The following FAM117A variants were observed in gnomAD, a reference collection of about 807,000 sequenced individuals.
FAM117A encodes the protein protein FAM117A.
Under a neutral mutation model 44.1 loss-of-function variants are expected in FAM117A, and 21 were observed. The ratio of observed to expected loss-of-function variants is 0.48; its 90% CI spans 0.34 to 0.69. The LOEUF (loss-of-function observed/expected upper bound fraction) is 0.69. FAM117A is among the 30% of genes least tolerant of loss of function. The pLI, the probability that FAM117A is intolerant of heterozygous loss-of-function variation, is 0.01. For missense variants in FAM117A, 498 were observed against 589.9 expected (o/e 0.84, Z 1.61); for synonymous variants, 220 against 238.3 (o/e 0.92, Z 0.71).
chr17:49,746,748 C>A (rs2073655815), intron 1 of FAM117A, among the ~76,000 whole-genome samples: 1 of 152,138 alleles, frequency 6.6e-6, no homozygotes. Flanking sequence ...ATCCCAGAGA[C>A]AGAGGTAAAA....
At chr17:49,768,684 G>A (rs548240216), upstream of FAM117A, among the ~76,000 whole-genome samples, 4 of 152,274 alleles carry the variant, frequency 2.6e-5, no homozygotes, top group South Asian at 6.2e-4. Context: ...GGATTGGGAA[G>A]GAGGGTTGAG....
chr17:49,782,698 A>AC (rs2073793397), intron 1 of FAM117A, among the ~76,000 whole-genome samples: 1 of 122,672 alleles, frequency 8.2e-6, no homozygotes, highest in Admixed American at 8.2e-5. Context: ...TCAAAAAAAA[A>AC]AAAAAAAAAA....
intron 1 of FAM117A, among the ~76,000 whole-genome samples, chr17:49,771,050 A>G (rs2073759639): frequency 6.6e-6 from 1 of 152,090 alleles, no homozygotes; most frequent in Admixed American, 6.5e-5. Context: ...TCTACTAAAA[A>G]TACAAAAATT....
Position 49,714,499 on chromosome 17 carries a change from G to A in FAM117A, c.1061+1666C>T, listed in dbSNP as rs919733941. On this transcript the variant is annotated intron_variant, in intron 7 of 7. Transcript: ENST00000240364. ...ATTACAGGCATGCACTAACACACCC[G>A]GCTACTTTTTGTATTTTTAGTAGAG... Among the ~76,000 whole-genome samples, 5 of 151,758 alleles carry A rather than the reference G, an allele frequency of 3.3e-5. No individual in the cohort carries two copies. The South Asian group carries it at 8.3e-4, about 25-fold the overall frequency.
intron 2 of FAM117A, among the ~76,000 whole-genome samples, chr17:49,730,078 A>T (rs2073578305): frequency 6.6e-6 from 1 of 152,226 alleles, no homozygotes; most frequent in Non-Finnish European, 1.5e-5. Context: ...CAGGAATTTG[A>T]ATGGAGCCCA....
At chr17:49,789,007 G>A, upstream of FAM117A, 1 of 590,150 alleles carries the variant, frequency 1.7e-6, no homozygotes, top group African/African-American at 1.9e-5. Flanking sequence ...ACAGAAAAAT[G>A]TGGGCCCGAC....
intron 1 of FAM117A, among the ~76,000 whole-genome samples, chr17:49,788,217 G>C (rs1215016084): frequency 6.6e-6 from 1 of 152,112 alleles, no homozygotes; most frequent in Admixed American, 6.5e-5. Context: ...CCACCCCTTC[G>C]AGACCACGAT....
At chr17:49,758,127 G>A (rs924533581) in intron 1 of FAM117A, among the ~76,000 whole-genome samples, 1 of 151,890 alleles carries the variant, frequency 6.6e-6, no homozygotes, top group Non-Finnish European at 1.5e-5. Context: ...TCAGATGTTG[G>A]AGACCAGCCT....
intron 1 of FAM117A, among the ~76,000 whole-genome samples, chr17:49,786,798 A>G (rs1341421299): frequency 2.0e-5 from 3 of 150,730 alleles, no homozygotes; most frequent in African/African-American, 7.4e-5. Context: ...AAAAAAAAGA[A>G]AGGCTGGTAT....
intron 3 of FAM117A, among the ~76,000 whole-genome samples, chr17:49,721,471 T>C (rs898612805): frequency 6.6e-6 from 1 of 152,272 alleles, no homozygotes; most frequent in East Asian, 1.9e-4. Flanking sequence ...AATAACTTGC[T>C]TACTCTGACC....
rs777030465 is a variant in FAM117A, at chr17:49,719,892, C to T, written c.576G>A (p.Ala192=). ...ACCCTGAGGGGAAGCTGGGAGGGGA[C>T]GCCTGAGGAAGAGGCAAATGACAAA... is the stretch of plus-strand genomic sequence containing the variant. The part of the protein sequence containing the change: ...GDHAVRGALR[A]SPPSFPSGSP... The change falls in exon 5 of 8, where the codon GCG becomes GCA. Residue 192 remains alanine (A), a splice_region_variant and synonymous_variant. Coordinates refer to ENST00000240364, the MANE Select transcript of FAM117A (RefSeq NM_030802.4). 18 of 1,600,142 alleles carry T rather than the reference C, an allele frequency of 1.1e-5. No individual in the cohort carries two copies. Among genetic ancestry groups the T allele is most frequent in the East Asian group, 9.1e-5 (4 of 43,998 alleles).
intron 1 of FAM117A, among the ~76,000 whole-genome samples, chr17:49,744,429 C>A (rs994733888): frequency 7.3e-5 from 11 of 151,162 alleles, no homozygotes; most frequent in African/African-American, 2.4e-4. Flanking sequence ...ACAGGCATGA[C>A]CCACCTCAGC....
intron 1 of FAM117A, among the ~76,000 whole-genome samples, chr17:49,752,113 A>G (rs200623108): frequency 2.1e-3 from 322 of 152,204 alleles, no homozygotes; most frequent in African/African-American, 7.1e-3. Flanking sequence ...AATTCTATAC[A>G]GAGTATGCTT....
At chr17:49,711,847 G>A (rs562660819) in intron 7 of FAM117A, among the ~76,000 whole-genome samples, 17 of 152,264 alleles carry the variant, frequency 1.1e-4, no homozygotes, top group Admixed American at 3.3e-4. Context: ...CTTTTCATTC[G>A]AAAGATTTCA....
At chr17:49,773,684 A>G (rs1239029686) in intron 1 of FAM117A, among the ~76,000 whole-genome samples, 5 of 151,786 alleles carry the variant, frequency 3.3e-5, no homozygotes, top group Non-Finnish European at 5.9e-5. Flanking sequence ...TACCCTTATC[A>G]GCTACTAATT....
At chr17:49,748,191 C>T (rs1434843221) in intron 1 of FAM117A, among the ~76,000 whole-genome samples, 7 of 152,176 alleles carry the variant, frequency 4.6e-5, no homozygotes, top group Non-Finnish European at 8.8e-5. Flanking sequence ...TTCTTTTATA[C>T]TTAAGTAAAA....
intron 2 of FAM117A, among the ~76,000 whole-genome samples, chr17:49,727,130 G>A (rs369734370): frequency 6.6e-6 from 1 of 152,288 alleles, no homozygotes; most frequent in East Asian, 1.9e-4. Context: ...TCCAGGCACG[G>A]TGACTCATGC....
intron 7 of FAM117A, among the ~76,000 whole-genome samples, 159 bp downstream of exon 7, chr17:49,716,006 G>A (rs940055050): frequency 6.6e-6 from 1 of 152,226 alleles, no homozygotes; most frequent in African/African-American, 2.4e-5. Flanking sequence ...TAAGTGCTCA[G>A]AGTAGGTAAT....
At chr17:49,788,735 T>A (rs1408910745), upstream of FAM117A, 107 of 1,337,682 alleles carry the variant, frequency 8.0e-5, 1 homozygote, top group South Asian at 1.3e-3. Flanking sequence ...TCCGCAGGAT[T>A]GGGACTGATA....
Sources: gnomAD v4.1 joint callset for allele counts (sites outside exome capture counted in the v4.1 genomes callset) on GRCh38, gnomAD v4.1.1 for gene constraint, MANE v1.5 for transcripts, NCBI Gene and HGNC (gene_info 2026-07-23, HGNC 2026-07-21) for gene names.